Variants in CNTN4 observed in about 807,000 individuals in gnomAD.
The protein encoded by CNTN4 is contactin 4.
In CNTN4, 77 loss-of-function variants were observed where a neutral mutation model predicts 122.5. The ratio of observed to expected loss-of-function variants is 0.63; its 90% CI spans 0.52 to 0.76. The LOEUF (loss-of-function observed/expected upper bound fraction) is 0.76, where lower values mean the gene tolerates loss of function less well. Among genes scored for constraint, CNTN4 ranks in the 30% least tolerant of loss-of-function variants. CNTN4 has a pLI of 0.00. For missense variants in CNTN4, 1,256 were observed against 1,259.1 expected, an observed-to-expected ratio of 1.00 and a Z score of 0.04; for synonymous variants, 512 against 447.0, an observed-to-expected ratio of 1.15 and a Z score of -1.83.
intron 15 of CNTN4, among the ~76,000 whole-genome samples, chr3:3,029,026 C>T (rs575765951): frequency 6.6e-5 from 10 of 151,142 alleles, no homozygotes; most frequent in Admixed American, 4.6e-4. Flanking sequence ...TGAGTCCAAT[C>T]CCCTGTGTCT....
At chr3:2,324,388 G>C (rs1431728138) in intron 2 of CNTN4, among the ~76,000 whole-genome samples, 4 of 152,128 alleles carry the variant, frequency 2.6e-5, no homozygotes, top group African/African-American at 7.2e-5. Flanking sequence ...ATATTGTGTA[G>C]TATGAAGTTT....
rs148922391 is a variant in CNTN4 at position 2,544,518 on chromosome 3, A to T, written c.-88-26898A>T. ...TACATTTTAATTAAATAAAAACAAT[A>T]TGAGTTTCTGTCCTCAAGAAACTTA... On this transcript the variant is annotated intron_variant, in intron 3 of 24. Transcript: ENST00000418658. 8.9e-4 allele frequency among the ~76,000 whole-genome samples: 136 copies of T among 152,240 alleles called. 3 individuals are homozygous for T. In the East Asian group the frequency reaches 0.021, roughly 24 times the overall value.
intron 4 of CNTN4, among the ~76,000 whole-genome samples, chr3:2,649,122 A>G (rs2083256674): frequency 6.6e-6 from 1 of 152,194 alleles, no homozygotes. Flanking sequence ...AAGAGATGCC[A>G]CCTCCTTAAC....
At chr3:2,672,217 G>A (rs1477297140) in intron 4 of CNTN4, among the ~76,000 whole-genome samples, 1 of 152,236 alleles carries the variant, frequency 6.6e-6, no homozygotes, top group Non-Finnish European at 1.5e-5. Context: ...CAGTGGTGGA[G>A]TCTACAGAGG....
At chr3:2,795,711 G>C (rs141139410) in intron 6 of CNTN4, among the ~76,000 whole-genome samples, 4 of 151,922 alleles carry the variant, frequency 2.6e-5, no homozygotes, top group Admixed American at 6.6e-5. Context: ...TAGTAGAGAC[G>C]TGGTTTCACC....
intron 3 of CNTN4, among the ~76,000 whole-genome samples, chr3:2,521,576 A>G (rs2077220996): frequency 6.6e-6 from 1 of 152,132 alleles, no homozygotes; most frequent in East Asian, 1.9e-4. Context: ...TGCTATTACT[A>G]TTAAAGATAA....
intron 4 of CNTN4, among the ~76,000 whole-genome samples, chr3:2,582,581 C>T (rs2079993886): frequency 6.6e-6 from 1 of 152,154 alleles, no homozygotes; most frequent in Admixed American, 6.5e-5. Flanking sequence ...AAACCTTCCT[C>T]AGAGAGTGAA....
At position 2,372,060 on chromosome 3, in the gene CNTN4, A is replaced by T. The variant is rs557155231; in HGVS notation, c.-89+32827A>T. On this transcript the variant is annotated intron_variant, in intron 3 of 24. Coordinates refer to ENST00000418658, the MANE Select transcript of CNTN4 (RefSeq NM_175607.3). ...AATCATCATATTTTTCATATAAATG[A>T]TGATATAAGCTCTGGTAATAAGGGC... Among the ~76,000 whole-genome samples, 3 of 152,376 alleles carry T rather than the reference A, an allele frequency of 2.0e-5. No homozygotes were observed. The East Asian group carries it at 5.8e-4, about 29-fold the overall frequency.
intron 14 of CNTN4, among the ~76,000 whole-genome samples, chr3:3,009,462 C>A (rs1181024327): frequency 1.3e-5 from 2 of 151,204 alleles, no homozygotes; most frequent in Non-Finnish European, 2.9e-5. Context: ...GAGATGGAGT[C>A]TTGCTCTGTC....
In CNTN4 at chr3:2,216,579, A is replaced by G. The variant is rs566866144; in HGVS notation, c.-145+115940A>G. 2.0e-5 allele frequency among the ~76,000 whole-genome samples: 3 copies of G among 152,262 alleles called. 1 individual carries two copies. The South Asian group carries it at 6.2e-4, about 32-fold the overall frequency. ...GAATGCAAAACAAACATGAATCAAC[A>G]CCTAGAATGAGTAATTACATGAGCA... On this transcript the variant is annotated intron_variant, in intron 2 of 24. Transcript: ENST00000418658.
intron 2 of CNTN4, among the ~76,000 whole-genome samples, chr3:2,190,099 T>C (rs2037457815): frequency 6.6e-6 from 1 of 152,206 alleles, no homozygotes; most frequent in South Asian, 2.1e-4. Context: ...CCCAGAGTCC[T>C]CTGTGAGTTT....
chr3:2,758,451 A>C (rs2090437427), intron 6 of CNTN4, among the ~76,000 whole-genome samples: 1 of 151,350 alleles, frequency 6.6e-6, no homozygotes, highest in Non-Finnish European at 1.5e-5. Flanking sequence ...TATTCCATAT[A>C]GTCTTTCTCA....
At chr3:2,343,392 A>G (rs1049762606) in intron 3 of CNTN4, among the ~76,000 whole-genome samples, 1 of 152,102 alleles carries the variant, frequency 6.6e-6, no homozygotes, top group Non-Finnish European at 1.5e-5. Context: ...TCAGCCTCTA[A>G]TTTGCCCCCT....
At chr3:2,131,211 C>G (rs1448363153) in intron 2 of CNTN4, among the ~76,000 whole-genome samples, 1 of 152,148 alleles carries the variant, frequency 6.6e-6, no homozygotes, top group Non-Finnish European at 1.5e-5. Flanking sequence ...AGGATACATA[C>G]ACCTAGTAAG....
chr3:2,333,149 A>T (rs2043805950), intron 2 of CNTN4, among the ~76,000 whole-genome samples: 1 of 152,196 alleles, frequency 6.6e-6, no homozygotes, highest in African/African-American at 2.4e-5. Context: ...TGAGCAGCAT[A>T]AGCCATTCCC....
At chr3:2,462,894 C>T (rs908530921) in intron 3 of CNTN4, among the ~76,000 whole-genome samples, 8 of 151,922 alleles carry the variant, frequency 5.3e-5, no homozygotes, top group Non-Finnish European at 1.2e-4. Flanking sequence ...AGTATGGGAC[C>T]GATATAAAAA....
chr3:2,768,785 CT>C (rs2090966179), intron 6 of CNTN4, among the ~76,000 whole-genome samples: 1 of 152,128 alleles, frequency 6.6e-6, no homozygotes, highest in Non-Finnish European at 1.5e-5. Flanking sequence ...TTAGAAAGTA[CT>C]TTCAAATCTG....
intron 4 of CNTN4, among the ~76,000 whole-genome samples, chr3:2,637,121 T>C (rs910004940): frequency 2.0e-5 from 3 of 151,920 alleles, no homozygotes; most frequent in Admixed American, 6.6e-5. Flanking sequence ...TTTATATTTT[T>C]AGTAGAGACA....
intron 2 of CNTN4, among the ~76,000 whole-genome samples, chr3:2,129,084 G>A (rs74585652): frequency 0.028 from 4,208 of 151,944 alleles, 211 homozygotes; most frequent in African/African-American, 0.096. Flanking sequence ...ATATTAACAC[G>A]TTAAAGGCCA....
Sources: allele counts gnomAD v4.1 joint callset (sites outside exome capture counted in the v4.1 genomes callset), GRCh38; gene constraint gnomAD v4.1.1; transcripts MANE v1.5; gene names NCBI Gene and HGNC (gene_info 2026-07-23, HGNC 2026-07-21).